Variants in DTNBP1 observed in about 807,000 individuals in gnomAD.
DTNBP1 encodes the protein dysbindin.
Under a neutral mutation model 42.8 loss-of-function variants are expected in DTNBP1, and 35 were observed. The observed-to-expected ratio is 0.82, with a 90% CI of 0.63 to 1.09. DTNBP1 has a LOEUF of 1.09. DTNBP1 is among the 50% of genes least tolerant of loss of function. The pLI, the probability that DTNBP1 is intolerant of heterozygous loss-of-function variation, is 0.00. For synonymous variants in DTNBP1, 171 were observed against 162.2 expected (o/e 1.05, Z -0.41); for missense variants, 457 against 424.2 (o/e 1.08, Z -0.68).
intron 6 of DTNBP1, among the ~76,000 whole-genome samples, chr6:15,603,020 C>A (rs550397380): frequency 1.1e-4 from 17 of 152,346 alleles, no homozygotes; most frequent in African/African-American, 4.1e-4. Flanking sequence ...ACCCAAGGAT[C>A]TAATAAACTG....
chr6:15,544,246 T>TA (rs2113371116), intron 7 of DTNBP1, among the ~76,000 whole-genome samples: 1 of 152,334 alleles, frequency 6.6e-6, no homozygotes, highest in Admixed American at 6.5e-5. Flanking sequence ...CAGCACATAA[T>TA]AATCTGTTCC....
At chr6:15,534,449 C>T (rs1041232783) in intron 7 of DTNBP1, among the ~76,000 whole-genome samples, 4 of 152,080 alleles carry the variant, frequency 2.6e-5, no homozygotes, top group East Asian at 3.8e-4. Flanking sequence ...GTAAGGAGTT[C>T]GAGACCAGCC....
chr6:15,531,919 A>G (rs1038050099), intron 8 of DTNBP1, among the ~76,000 whole-genome samples: 1 of 152,242 alleles, frequency 6.6e-6, no homozygotes, highest in Non-Finnish European at 1.5e-5. Context: ...GGCGTATGCC[A>G]CTGCGCCTGG....
intron 5 of DTNBP1, among the ~76,000 whole-genome samples, chr6:15,626,464 G>A (rs1759353808): frequency 6.6e-6 from 1 of 152,082 alleles, no homozygotes; most frequent in African/African-American, 2.4e-5. Flanking sequence ...ATTAAAAACA[G>A]GAGGAGATAA....
At chr6:15,539,029 G>A (rs924847271) in intron 7 of DTNBP1, among the ~76,000 whole-genome samples, 11 of 152,162 alleles carry the variant, frequency 7.2e-5, no homozygotes, top group African/African-American at 2.4e-4. Context: ...TCTCAACTCC[G>A]GAGTCCAGCA....
At position 15,523,834 on chromosome 6, in the gene DTNBP1, C is replaced by T; in HGVS notation, c.812-615G>A. The stretch of plus-strand genomic sequence containing the variant: ...GGATGACACCGTTCTGACAGATTGC[C>T]AGGAGAAGCGGGTGAGAAGTTTAGA... On this transcript the variant is annotated intron_variant, in intron 9 of 9. Transcript: ENST00000344537. 3 of 1,287,188 alleles carry T rather than the reference C, an allele frequency of 2.3e-6. No homozygotes were observed. In the South Asian group the frequency reaches 3.7e-5, roughly 16 times the overall value. 79.7% of individuals were successfully genotyped at this position (1,287,188 alleles called of 1,614,324 possible).
At chr6:15,546,931 T>C (rs1156630838) in intron 7 of DTNBP1, among the ~76,000 whole-genome samples, 139 of 150,402 alleles carry the variant, frequency 9.2e-4, no homozygotes, top group African/African-American at 1.7e-3. Context: ...TCTTTCTTTT[T>C]TTTTTTTTTT....
chr6:15,557,188 T>C (rs1181302274), intron 7 of DTNBP1, among the ~76,000 whole-genome samples: 1 of 151,730 alleles, frequency 6.6e-6, no homozygotes, highest in Non-Finnish European at 1.5e-5. Context: ...ACATGTAAGG[T>C]GTGTTAAAAG....
intron 7 of DTNBP1, among the ~76,000 whole-genome samples, chr6:15,573,849 G>A (rs975337967): frequency 1.3e-5 from 2 of 152,052 alleles, no homozygotes; most frequent in Non-Finnish European, 2.9e-5. Context: ...TGGGATTACA[G>A]GTGCCCACCA....
At chr6:15,640,587 T>C (rs962504853) in intron 3 of DTNBP1, among the ~76,000 whole-genome samples, 16 of 152,238 alleles carry the variant, frequency 1.1e-4, no homozygotes, top group African/African-American at 3.9e-4. Flanking sequence ...ACTAATTATA[T>C]AGCATTAGAG....
At chr6:15,585,724 T>C (rs925184901) in intron 7 of DTNBP1, 2 of 1,535,146 alleles carry the variant, frequency 1.3e-6, no homozygotes, top group Non-Finnish European at 1.7e-6. Context: ...CCTACAGGGA[T>C]CCCTCTGACT....
At chr6:15,612,117 T>G (rs1561990587) in intron 6 of DTNBP1, among the ~76,000 whole-genome samples, 1 of 152,194 alleles carries the variant, frequency 6.6e-6, no homozygotes, top group South Asian at 2.1e-4. Context: ...TTATTTTAAT[T>G]AAGATAATGC....
In DTNBP1 at chr6:15,524,555, TCTC is replaced by T. The variant is rs760628074; in HGVS notation, c.779_781del (p.Gly260del). The T allele has an allele frequency of 7.5e-6, 12 of 1,610,198 alleles. No homozygotes were observed. Among genetic ancestry groups the T allele is most frequent in the East Asian group, 2.2e-5 (1 of 44,810 alleles). ...GGCGGGGGACAGCACAGTGTTCTCT[TCTC>T]CTCCAGAGTTCAGGAAGACGTCCAG... On this transcript the variant is annotated inframe_deletion, in exon 9 of 10. Coordinates refer to ENST00000344537, the MANE Select transcript of DTNBP1 (RefSeq NM_032122.5).
intron 5 of DTNBP1, among the ~76,000 whole-genome samples, chr6:15,616,015 C>A (rs1221211470): frequency 1.3e-5 from 2 of 152,198 alleles, no homozygotes; most frequent in Non-Finnish European, 2.9e-5. Flanking sequence ...GGCCACAGAG[C>A]CTTGCAGCTG....
chr6:15,550,553 A>G (rs958750009), intron 7 of DTNBP1, among the ~76,000 whole-genome samples: 1 of 152,254 alleles, frequency 6.6e-6, no homozygotes, highest in African/African-American at 2.4e-5. Flanking sequence ...TAAAAGGTTC[A>G]GTGACAGCCA....
intron 4 of DTNBP1, among the ~76,000 whole-genome samples, chr6:15,635,772 CCTCA>C (rs936830437): frequency 7.9e-5 from 12 of 152,088 alleles, no homozygotes; most frequent in Admixed American, 7.2e-4. Context: ...CTCTCTTGTA[CCTCA>C]CTATTTCTTC....
chr6:15,644,042 A>G (rs2113786150), intron 3 of DTNBP1, among the ~76,000 whole-genome samples: 1 of 152,256 alleles, frequency 6.6e-6, no homozygotes, highest in Admixed American at 6.5e-5. Context: ...CAAGAGACCT[A>G]TCTCACATGT....
intron 7 of DTNBP1, among the ~76,000 whole-genome samples, chr6:15,537,521 A>G (rs930686024): frequency 7.9e-5 from 12 of 152,142 alleles, no homozygotes; most frequent in African/African-American, 2.9e-4. Context: ...TTGAATGTGA[A>G]AAGACATGAG....
chr6:15,593,232 G>T lies in DTNBP1; in HGVS notation c.489-151C>A, dbSNP rs1776372234. On this transcript the variant is annotated intron_variant, in intron 6 of 9. Transcript: ENST00000344537. Reference sequence around the variant, plus strand: ...CATATCAGTTATACTTTACTGAAATGACCAGTACAATGAGCCTAAACCAAC... The same window carrying T: ...CATATCAGTTATACTTTACTGAAATTACCAGTACAATGAGCCTAAACCAAC... The T allele has an allele frequency of 4.1e-6, 3 of 731,788 alleles. No individual in the cohort carries two copies. In the East Asian group the frequency reaches 8.3e-5, roughly 20 times the overall value. The allele number at this position is 731,788 out of a possible 1,614,324, so 45.3% of individuals were successfully genotyped here.
Sources: allele counts gnomAD v4.1 joint callset (sites outside exome capture counted in the v4.1 genomes callset), GRCh38; gene constraint gnomAD v4.1.1; transcripts MANE v1.5; gene names NCBI Gene and HGNC (gene_info 2026-07-23, HGNC 2026-07-21).